Variants in PEPD observed in about 807,000 individuals in gnomAD.
PEPD encodes the protein peptidase D, also known as xaa-Pro dipeptidase.
A neutral mutation model predicts 60.7 loss-of-function variants in PEPD; 53 were observed. The observed-to-expected ratio is 0.87, with a 90% confidence interval of 0.70 to 1.10. The LOEUF (loss-of-function observed/expected upper bound fraction) is 1.10, where lower values mean the gene tolerates loss of function less well. Ranked by LOEUF, PEPD falls within the 50% of genes least tolerant of loss-of-function variation. The pLI is 0.00. For missense variants in PEPD, 711 were observed against 711.9 expected, an observed-to-expected ratio of 1.00 and a Z score of 0.01; for synonymous variants, 267 against 284.1, an observed-to-expected ratio of 0.94 and a Z score of 0.60.
At chr19:33,485,507 A>G (rs983732816) in intron 6 of PEPD, among the ~76,000 whole-genome samples, 65 of 151,854 alleles carry the variant, frequency 4.3e-4, no homozygotes, top group Admixed American at 2.6e-3. Flanking sequence ...AAAAAAAAAA[A>G]AAGAAGCCAA....
Position 33,512,729 on chromosome 19 carries a change from A to G in PEPD, c.65T>C (p.Leu22Pro). ...CAGGCGCTGCCGGTTCAAGGCAAAG[A>G]GCGCCAGCGGCACCTTCAGGGTTTC... ...GNETLKVPLALFALNRQRLCE... is the reference protein window; with the variant it reads ...GNETLKVPLAPFALNRQRLCE... Residue 22 changes from leucine (L) to proline (P), a missense_variant, in exon 2 of 15, where the codon CTC becomes CCC. Leu to Pro is a moderately conservative substitution (Grantham distance 98, BLOSUM62 -3). Coordinates refer to ENST00000244137, the MANE Select transcript of PEPD (RefSeq NM_000285.4). 2 of 1,614,006 alleles carry G rather than the reference A, an allele frequency of 1.2e-6. No individual in the cohort carries two copies. The highest frequency in any genetic ancestry group is 1.7e-6 in the Non-Finnish European group (2 of 1,179,928).
At chr19:33,508,520 G>T (rs535135802) in intron 3 of PEPD, among the ~76,000 whole-genome samples, 1 of 152,240 alleles carries the variant, frequency 6.6e-6, no homozygotes, top group Non-Finnish European at 1.5e-5. Flanking sequence ...ACCGAGCCCC[G>T]AGAGGACAGC....
intron 9 of PEPD, among the ~76,000 whole-genome samples, chr19:33,428,065 G>A (rs565174679): frequency 6.6e-6 from 1 of 152,176 alleles, no homozygotes; most frequent in Non-Finnish European, 1.5e-5. Context: ...AGAAGTGGTC[G>A]TTATGTGATG....
chr19:33,509,487 A>C (rs923403610), intron 3 of PEPD, among the ~76,000 whole-genome samples: 1 of 152,134 alleles, frequency 6.6e-6, no homozygotes, highest in Admixed American at 6.5e-5. Flanking sequence ...AGCAGCACAC[A>C]CCATGGCCAA....
rs1968217258 is a variant in PEPD at position 33,391,411 on chromosome 19, T to C, written c.1036A>G (p.Ile346Val). Residue 346 changes from isoleucine to valine, a missense_variant, in exon 13 of 15, where the codon ATC becomes GTC. Physicochemically the swap from Ile to Val is conservative, Grantham distance 29 (BLOSUM62 3). Coordinates refer to ENST00000244137, the MANE Select transcript of PEPD (RefSeq NM_000285.4). ...ATGGCGTCCACGCTGCCGCTCAGGA[T>C]GCCCATGTGGGCCAGCTCCTCCAGG... ...IHLEELAHMG[I>V]LSGSVDAMVQ... 3 of 1,579,896 alleles carry C rather than the reference T, an allele frequency of 1.9e-6. No individual in the cohort carries two copies. Among genetic ancestry groups the C allele is most frequent in the South Asian group, 1.1e-5 (1 of 87,062 alleles).
chr19:33,521,148 C>A (rs1388869439), intron 1 of PEPD, among the ~76,000 whole-genome samples: 1 of 152,244 alleles, frequency 6.6e-6, no homozygotes, highest in Non-Finnish European at 1.5e-5. Context: ...GTGTGCAAGG[C>A]ACCGGGCTAC....
intron 9 of PEPD, among the ~76,000 whole-genome samples, chr19:33,422,839 C>CTATCT (rs1568463742): frequency 0.014 from 560 of 39,852 alleles, 2 homozygotes; most frequent in South Asian, 0.045. Flanking sequence ...TCTATCTATC[C>CTATCT]ATCTATCCAT....
chr19:33,465,255 G>T (rs1234314540), intron 7 of PEPD, among the ~76,000 whole-genome samples: 2 of 152,110 alleles, frequency 1.3e-5, no homozygotes, highest in African/African-American at 4.8e-5. Context: ...ATGTCCTTAG[G>T]TAGGACATCT....
chr19:33,511,218 G>A (rs2145353579), intron 2 of PEPD, 63 bp from the exon 3 acceptor site: 1 of 1,583,570 alleles, frequency 6.3e-7, no homozygotes, highest in Non-Finnish European at 8.7e-7. Flanking sequence ...GGGACCGGTG[G>A]CTGCATCACA....
chr19:33,463,572 G>A (rs575918414), intron 8 of PEPD, among the ~76,000 whole-genome samples: 3 of 152,296 alleles, frequency 2.0e-5, no homozygotes, highest in South Asian at 2.1e-4. Context: ...CCAGTAAAGC[G>A]GGAAGGTTTG....
At chr19:33,495,006 G>A (rs143398865) in intron 4 of PEPD, among the ~76,000 whole-genome samples, 11,715 of 151,396 alleles carry the variant, frequency 0.077, 527 homozygotes, top group Non-Finnish European at 0.11. Context: ...TGTGGTGGCG[G>A]GTGCCTGTAG....
intron 9 of PEPD, among the ~76,000 whole-genome samples, chr19:33,453,342 A>G (rs1038709776): frequency 2.6e-5 from 4 of 152,132 alleles, no homozygotes; most frequent in Non-Finnish European, 5.9e-5. Flanking sequence ...ATAAATAAAT[A>G]AAAAAGCAAC....
chr19:33,471,220 T>G (rs540893018), intron 7 of PEPD, among the ~76,000 whole-genome samples: 14 of 152,272 alleles, frequency 9.2e-5, no homozygotes, highest in African/African-American at 2.6e-4. Flanking sequence ...CAATTGAATC[T>G]ATGCTTAAAT....
At chr19:33,393,196 C>T (rs1038953826) in intron 12 of PEPD, among the ~76,000 whole-genome samples, 7 of 145,394 alleles carry the variant, frequency 4.8e-5, no homozygotes, top group Admixed American at 4.7e-4. Context: ...GGAGGCCGTC[C>T]CGGGGTCTGG....
rs752966658 is a variant in PEPD, at chr19:33,490,174, C to G, written c.442-117G>C. ...TAAGAACAGGATCCCCTCCTGCCTT[C>G]CCCCAACAGATGAGCCACCCAGCCA... On this transcript the variant is annotated intron_variant, in intron 5 of 14. Transcript: ENST00000244137. The G allele has an allele frequency of 5.4e-4, 399 of 733,892 alleles. 2 individuals are homozygous for G. Among genetic ancestry groups the G allele is most frequent in the Non-Finnish European group, 6.1e-4 (248 of 405,184 alleles). 45.5% of individuals were successfully genotyped at this position (733,892 alleles called of 1,614,324 possible). A position where few individuals can be genotyped will look rare whatever the true frequency, so the allele number is the denominator to read the frequency against.
intron 9 of PEPD, among the ~76,000 whole-genome samples, chr19:33,447,514 C>T (rs563217575): frequency 7.2e-5 from 11 of 152,342 alleles, no homozygotes; most frequent in East Asian, 3.9e-4. Flanking sequence ...AGGGCAGGGG[C>T]GTGCTAGCCC....
At chr19:33,485,176 G>A (rs748280225) in intron 6 of PEPD, among the ~76,000 whole-genome samples, 13 of 152,036 alleles carry the variant, frequency 8.6e-5, no homozygotes, top group South Asian at 8.3e-4. Flanking sequence ...TCCCCTCACC[G>A]AGAACTCCAT....
At chr19:33,501,253 C>G (rs1970707801) in intron 3 of PEPD, among the ~76,000 whole-genome samples, 1 of 152,176 alleles carries the variant, frequency 6.6e-6, no homozygotes, top group Non-Finnish European at 1.5e-5. Context: ...GTGACCCTAG[C>G]CACCTGCAGC....
intron 9 of PEPD, among the ~76,000 whole-genome samples, chr19:33,437,754 G>T (rs946980621): frequency 3.3e-5 from 5 of 152,216 alleles, no homozygotes; most frequent in African/African-American, 1.2e-4. Flanking sequence ...TCATTAGGAG[G>T]AGACTTGGGG....
Sources: gnomAD v4.1 joint callset for allele counts (sites outside exome capture counted in the v4.1 genomes callset) on GRCh38, gnomAD v4.1.1 for gene constraint, MANE v1.5 for transcripts, NCBI Gene and HGNC (gene_info 2026-07-23, HGNC 2026-07-21) for gene names.